Variants in FHIT observed in about 807,000 individuals in gnomAD.
FHIT encodes fragile histidine triad diadenosine triphosphatase.
In FHIT, 19 loss-of-function variants were observed where a neutral mutation model predicts 17.9. The ratio of observed to expected loss-of-function variants is 1.06; its 90% confidence interval spans 0.74 to 1.56. The LOEUF (loss-of-function observed/expected upper bound fraction) is 1.56. Among genes scored for constraint, FHIT ranks in the 40% most tolerant of loss-of-function variants. The probability of loss-of-function intolerance (pLI) is 0.00; values close to 1 mark genes in which losing one functional copy is unlikely to be tolerated. For synonymous variants in FHIT, 81 were observed against 69.7 expected, an observed-to-expected ratio of 1.16 and a Z score of -0.81; for missense variants, 248 against 189.2, an observed-to-expected ratio of 1.31 and a Z score of -1.82.
chr3:60,326,323 T>A (rs1457996683), intron 5 of FHIT, among the ~76,000 whole-genome samples: 1 of 152,078 alleles, frequency 6.6e-6, no homozygotes, highest in Non-Finnish European at 1.5e-5. Flanking sequence ...GCTGGTCCCA[T>A]CTGGGGGTGA....
At chr3:60,775,218 A>G (rs1434234184) in intron 4 of FHIT, among the ~76,000 whole-genome samples, 2 of 152,216 alleles carry the variant, frequency 1.3e-5, no homozygotes, top group Admixed American at 1.3e-4. Flanking sequence ...AGCTCAGTAC[A>G]AATGGTAAAC....
intron 4 of FHIT, among the ~76,000 whole-genome samples, chr3:60,683,818 G>A (rs1430597642): frequency 6.6e-6 from 1 of 152,080 alleles, no homozygotes; most frequent in Non-Finnish European, 1.5e-5. Context: ...TCCCATTTAA[G>A]TAATGGCAAA....
intron 4 of FHIT, among the ~76,000 whole-genome samples, chr3:60,627,979 C>A (rs1219979469): frequency 6.6e-6 from 1 of 151,956 alleles, no homozygotes; most frequent in African/African-American, 2.4e-5. Flanking sequence ...ATTTCTGTTC[C>A]AACCTTTATT....
intron 4 of FHIT, among the ~76,000 whole-genome samples, chr3:60,793,918 A>G (rs983153092): frequency 1.1e-4 from 16 of 152,142 alleles, no homozygotes; most frequent in South Asian, 8.3e-4. Flanking sequence ...AAATACACAG[A>G]AGCTGGGGCA....
chr3:60,460,840 A>G (rs1294130266), intron 5 of FHIT, among the ~76,000 whole-genome samples: 2 of 152,222 alleles, frequency 1.3e-5, no homozygotes, highest in Non-Finnish European at 2.9e-5. Flanking sequence ...GGCCCATAAC[A>G]GCTAAATATT....
intron 7 of FHIT, among the ~76,000 whole-genome samples, chr3:60,003,828 C>A (rs1435112536): frequency 6.6e-6 from 1 of 150,774 alleles, no homozygotes; most frequent in Non-Finnish European, 1.5e-5. Context: ...GAATCTTTCT[C>A]ACATGATTAA....
intron 5 of FHIT, among the ~76,000 whole-genome samples, chr3:60,149,817 G>C (rs2107325803): frequency 6.6e-6 from 1 of 150,674 alleles, no homozygotes; most frequent in African/African-American, 2.4e-5. Flanking sequence ...ATTTGCTGTG[G>C]GATAGACACA....
intron 8 of FHIT, among the ~76,000 whole-genome samples, chr3:59,868,048 A>G (rs60841466): frequency 1.8e-5 from 1 of 54,284 alleles, no homozygotes; most frequent in Non-Finnish European, 4.0e-5. Flanking sequence ...TTTTTTTTTT[A>G]AAAAAAAAAA....
chr3:59,938,498 A>T (rs1052189480), intron 7 of FHIT, among the ~76,000 whole-genome samples: 2 of 152,180 alleles, frequency 1.3e-5, no homozygotes, highest in Admixed American at 6.6e-5. Context: ...TGAAGACTGC[A>T]GGTAAAACTG....
chr3:60,005,016 C>T (rs1183414625), intron 7 of FHIT, among the ~76,000 whole-genome samples: 3 of 152,124 alleles, frequency 2.0e-5, no homozygotes, highest in Non-Finnish European at 4.4e-5. Flanking sequence ...AAGGTTAACT[C>T]GCCCAGGGTT....
chr3:60,100,115 T>C (rs1258619221), intron 5 of FHIT, among the ~76,000 whole-genome samples: 2 of 152,142 alleles, frequency 1.3e-5, no homozygotes, highest in African/African-American at 4.8e-5. Flanking sequence ...CCAGTCTCAA[T>C]ATAGGACTGA....
At chr3:60,158,050 G>C (rs886323531) in intron 5 of FHIT, among the ~76,000 whole-genome samples, 4 of 152,136 alleles carry the variant, frequency 2.6e-5, no homozygotes, top group Non-Finnish European at 5.9e-5. Context: ...GTCCAAATTG[G>C]TTCCTACCAG....
Position 60,799,276 on chromosome 3 carries a change from G to T in FHIT, c.-18+22643C>A, listed in dbSNP as rs1376992680. Among the ~76,000 whole-genome samples, 9 of 152,292 alleles carry T rather than the reference G, an allele frequency of 5.9e-5. No individual in the cohort carries two copies. The East Asian group carries it at 1.2e-3, about 20-fold the overall frequency. ...TGCAACCTCCACCTCCCAGGTTCAA[G>T]CGATTCTCCTGCCTCAGCCTCCCAC... On this transcript the variant is annotated intron_variant, in intron 4 of 9. Transcript: ENST00000492590.
At chr3:60,169,139 G>C (rs578129993) in intron 5 of FHIT, among the ~76,000 whole-genome samples, 7 of 152,210 alleles carry the variant, frequency 4.6e-5, no homozygotes, top group Non-Finnish European at 2.9e-5. Flanking sequence ...GCTCAAAATT[G>C]TGTGTGCCAA....
chr3:61,137,526 T>G (rs1245881738), intron 2 of FHIT, among the ~76,000 whole-genome samples: 1 of 152,114 alleles, frequency 6.6e-6, no homozygotes, highest in East Asian at 1.9e-4. Context: ...GTACTTGCCT[T>G]TCTCCTCTAC....
chr3:60,441,574 G>C (rs774567474), intron 5 of FHIT, among the ~76,000 whole-genome samples: 253 of 150,782 alleles, frequency 1.7e-3, no homozygotes, highest in Non-Finnish European at 2.8e-3. Flanking sequence ...ACTCAAGATA[G>C]AGACACACCT....
At chr3:60,109,138 G>A (rs767748411) in intron 5 of FHIT, among the ~76,000 whole-genome samples, 15 of 133,888 alleles carry the variant, frequency 1.1e-4, no homozygotes, top group Admixed American at 2.8e-4. Context: ...GGGGGTAGGG[G>A]CAGGGAGAGA....
intron 4 of FHIT, among the ~76,000 whole-genome samples, chr3:60,721,980 G>C (rs1553708172): frequency 6.6e-6 from 1 of 152,094 alleles, no homozygotes; most frequent in Non-Finnish European, 1.5e-5. Flanking sequence ...AGGAGCTGGA[G>C]AGCACCAAAA....
At chr3:59,956,840 T>C (rs1418302109) in intron 7 of FHIT, among the ~76,000 whole-genome samples, 1 of 152,200 alleles carries the variant, frequency 6.6e-6, no homozygotes, top group Non-Finnish European at 1.5e-5. Context: ...TAAACATTAT[T>C]GTCAAAAATC....
Sources: gnomAD v4.1 joint callset for allele counts (sites outside exome capture counted in the v4.1 genomes callset) on GRCh38, gnomAD v4.1.1 for gene constraint, MANE v1.5 for transcripts, NCBI Gene and HGNC (gene_info 2026-07-23, HGNC 2026-07-21) for gene names.